CHD8: variants seen among roughly 807,000 people sequenced by gnomAD.
CHD8 encodes ATP-dependent chromatin remodeler CHD8.
Under a neutral mutation model 279.2 loss-of-function variants are expected in CHD8, and 31 were observed. The observed-to-expected ratio is 0.11, with a 90% CI of 0.08 to 0.15. The LOEUF is 0.15. CHD8 is among the 10% of genes least tolerant of loss of function. The pLI is 1.00. For synonymous variants in CHD8, 1,081 were observed against 1,139.6 expected, an observed-to-expected ratio of 0.95 and a Z score of 1.04; for missense variants, 2,146 against 3,230.5, an observed-to-expected ratio of 0.66 and a Z score of 8.14.
chr14:21,426,093 G>GT (rs1304613776), intron 5 of CHD8, 35 bp downstream of exon 5: 2 of 1,272,550 alleles, frequency 1.6e-6, no homozygotes, highest in East Asian at 2.3e-5. Context: ...ATTAAACATG[G>GT]TTTTTTCTAC....
intron 1 of CHD8, among the ~76,000 whole-genome samples, chr14:21,443,810 C>G (rs982449503): frequency 7.0e-6 from 1 of 143,494 alleles, no homozygotes; most frequent in African/African-American, 2.6e-5. Context: ...GAGCTGAGAT[C>G]GCGCCACTGC....
Position 21,449,105 on chromosome 14 carries a change from C to T in CHD8, c.-216+6927G>A, listed in dbSNP as rs372619127. The stretch of plus-strand genomic sequence containing the variant: ...AGGAGAATGGCGGGAACCCGGGAGG[C>T]GGAGCTTGCAGTGAGCCAAGACTGC... On this transcript the variant is annotated intron_variant, in intron 1 of 37. Transcript: ENST00000646647. 5.5e-4 allele frequency among the ~76,000 whole-genome samples: 84 copies of T among 151,978 alleles called. No individual in the cohort carries two copies. The South Asian group carries it at 0.017, about 32-fold the overall frequency.
At position 21,400,568 on chromosome 14, in the gene CHD8, C is replaced by T. The variant is rs1327683274; in HGVS notation, c.4415G>A (p.Arg1472Gln). 5 of 1,601,868 alleles carry T rather than the reference C, an allele frequency of 3.1e-6. No homozygotes were observed. The highest frequency in any genetic ancestry group is 1.8e-5 in the Admixed American group (1 of 55,700). The change falls in exon 23 of 38, where the codon CGA becomes CAA. Residue 1472 changes from arginine (R) to glutamine (Q), a missense_variant. Arg to Gln is a conservative substitution (Grantham distance 43). Transcript: ENST00000646647. This position sits in a 1 kb window ranked among gnomAD's most constrained non-coding sequence, Gnocchi z 4.2. ...CTCCACATCTCGTTCAGTCATACGTCGCTTGAAGCGTCCATGAGATAAAAT... is the reference window on the plus strand; with the variant it reads ...CTCCACATCTCGTTCAGTCATACGTTGCTTGAAGCGTCCATGAGATAAAAT... ...RDILSHGRFK[R>Q]RMTERDVETI...
chr14:21,387,470 T>C (rs1887305294), intron 37 of CHD8, among the ~76,000 whole-genome samples: 2 of 151,452 alleles, frequency 1.3e-5, no homozygotes, highest in South Asian at 4.2e-4. Flanking sequence ...CCATCTCTAC[T>C]AAAAGTACAA....
intron 27 of CHD8, 85 bp downstream of exon 27, chr14:21,397,738 T>A (rs1311673368): frequency 1.4e-6 from 2 of 1,386,212 alleles, no homozygotes; most frequent in East Asian, 4.8e-5. Flanking sequence ...ATAATTACAA[T>A]TAAGAATCCC....
intron 1 of CHD8, among the ~76,000 whole-genome samples, chr14:21,446,508 G>A (rs545954008): frequency 6.6e-5 from 10 of 152,114 alleles, no homozygotes; most frequent in African/African-American, 2.2e-4. Flanking sequence ...ACGGGGTTTC[G>A]CCATGTTGCC....
At chr14:21,393,357 CTT>C (rs1887632725) in intron 32 of CHD8, 103 bp from the exon 33 acceptor site, 8 of 1,532,162 alleles carry the variant, frequency 5.2e-6, no homozygotes, top group Non-Finnish European at 7.0e-6. Flanking sequence ...GAATGGCACT[CTT>C]TTGACATTTT....
At chr14:21,438,838 C>G (rs1176960359) in intron 1 of CHD8, among the ~76,000 whole-genome samples, 1 of 143,390 alleles carries the variant, frequency 7.0e-6, no homozygotes, top group African/African-American at 2.6e-5. Flanking sequence ...AAAAAAAAAG[C>G]CAAAAAAAGC....
intron 1 of CHD8, among the ~76,000 whole-genome samples, chr14:21,452,027 T>A (rs778338901): frequency 2.0e-5 from 3 of 152,018 alleles, no homozygotes; most frequent in Non-Finnish European, 4.4e-5. Context: ...CAAGACAAAA[T>A]CTAGAATGCA....
intron 1 of CHD8, among the ~76,000 whole-genome samples, chr14:21,454,480 G>A (rs1373508083): frequency 1.3e-5 from 2 of 152,054 alleles, no homozygotes; most frequent in East Asian, 1.9e-4. Context: ...ACCATGCCCG[G>A]CTAATTTTTT....
chr14:21,444,276 A>T (rs1479318862), intron 1 of CHD8, among the ~76,000 whole-genome samples: 1 of 152,210 alleles, frequency 6.6e-6, no homozygotes, highest in African/African-American at 2.4e-5. Flanking sequence ...TGGAAAAAAA[A>T]TTGTTTTTGC....
At chr14:21,429,539 A>C in intron 2 of CHD8, 1 of 709,560 alleles carries the variant, frequency 1.4e-6, no homozygotes, top group Non-Finnish European at 2.6e-6. Context: ...TGCCCAGGCT[A>C]GAGTGCAGTG....
intron 1 of CHD8, among the ~76,000 whole-genome samples, chr14:21,440,726 G>A (rs904328181): frequency 3.9e-5 from 6 of 152,174 alleles, no homozygotes; most frequent in African/African-American, 9.7e-5. Flanking sequence ...AGATGAAGCC[G>A]AAGGGACAGG....
At chr14:21,413,395 CTT>C (rs577919700) in intron 9 of CHD8, among the ~76,000 whole-genome samples, 105 of 141,146 alleles carry the variant, frequency 7.4e-4, no homozygotes, top group African/African-American at 1.8e-3. Flanking sequence ...ATACCTAAAC[CTT>C]TTTTTTTTTT....
chr14:21,436,227 CTG>C (rs1248324971), intron 1 of CHD8, among the ~76,000 whole-genome samples: 1 of 152,168 alleles, frequency 6.6e-6, no homozygotes, highest in Non-Finnish European at 1.5e-5. Flanking sequence ...TTGTTGGAAA[CTG>C]TATCCTTTCA....
rs1189488407 is a variant in CHD8, at chr14:21,401,869, A to G, written c.4062+88T>C. 7 of 1,269,834 alleles carry G rather than the reference A, an allele frequency of 5.5e-6. No individual in the cohort carries two copies. In the East Asian group the frequency reaches 1.6e-4, roughly 30 times the overall value. 78.7% of individuals were successfully genotyped at this position (1,269,834 alleles called of 1,614,324 possible). A position where few individuals can be genotyped will look rare whatever the true frequency, so the allele number is the denominator to read the frequency against. ...CCAAAGTGCTGGGAATATAGGCATG[A>G]GCCACCATCCCCAGCATAAAAACAT... On this transcript the variant is annotated intron_variant, in intron 20 of 37. Transcript: ENST00000646647.
At chr14:21,387,501 C>T (rs1887306854) in intron 37 of CHD8, among the ~76,000 whole-genome samples, 1 of 151,250 alleles carries the variant, frequency 6.6e-6, no homozygotes, top group African/African-American at 2.4e-5. Flanking sequence ...GGGCGTGGTG[C>T]CGCATGCCTG....
rs1889311833 is a variant in CHD8, at chr14:21,426,257, C to A, written c.1602-15G>T. 2.9e-6 allele frequency: 4 copies of A among 1,367,148 alleles called. No individual in the cohort carries two copies. Among genetic ancestry groups the A allele is most frequent in the African/African-American group, 1.5e-5 (1 of 68,778 alleles). 84.7% of individuals were successfully genotyped at this position (1,367,148 alleles called of 1,614,324 possible). ...GAGTGATGGTGCTAAAAAGGAAAAA[C>A]CAAATTCATTTTCAGTGAAAGCAAA... On this transcript the variant is annotated splice_polypyrimidine_tract_variant and intron_variant, in intron 4 of 37. Transcript: ENST00000646647.
chr14:21,428,906 C>T (rs1889442374), intron 3 of CHD8, 58 bp downstream of exon 3: 10 of 1,551,932 alleles, frequency 6.4e-6, no homozygotes, highest in South Asian at 1.2e-5. Flanking sequence ...CTGAGGGCAA[C>T]AGCAATGGAC....
Sources: allele counts gnomAD v4.1 joint callset (sites outside exome capture counted in the v4.1 genomes callset), GRCh38; gene constraint gnomAD v4.1.1; non-coding constraint Gnocchi (gnomAD v3.1); transcripts MANE v1.5; gene names NCBI Gene and HGNC (gene_info 2026-07-23, HGNC 2026-07-21).